FARS2: variants seen among roughly 807,000 people sequenced by gnomAD.
The protein encoded by FARS2 is phenylalanyl-tRNA synthetase 2, mitochondrial.
In FARS2, 40 loss-of-function variants were observed where a neutral mutation model predicts 46.4. That is an observed-to-expected ratio of 0.86 (90% CI 0.67 to 1.12). The LOEUF is 1.12. FARS2 is among the 50% of genes most tolerant of loss of function. The pLI is 0.00. For missense variants in FARS2, 513 were observed against 567.9 expected (o/e 0.90, Z 0.98); for synonymous variants, 234 against 214.9 (o/e 1.09, Z -0.78).
At chr6:5,507,924 G>A (rs1318980427) in intron 4 of FARS2, among the ~76,000 whole-genome samples, 1 of 152,214 alleles carries the variant, frequency 6.6e-6, no homozygotes. Context: ...CCCGAGGTAG[G>A]AGAAGGTTTC....
intron 6 of FARS2, among the ~76,000 whole-genome samples, chr6:5,622,253 C>G (rs1019912159): frequency 6.6e-6 from 1 of 152,214 alleles, no homozygotes; most frequent in Non-Finnish European, 1.5e-5. Flanking sequence ...TTTTTTACAC[C>G]GCCTTCCTCT....
At chr6:5,593,660 G>T (rs565359255) in intron 5 of FARS2, among the ~76,000 whole-genome samples, 1 of 152,168 alleles carries the variant, frequency 6.6e-6, no homozygotes, top group Non-Finnish European at 1.5e-5. Flanking sequence ...GTGAGGCTCC[G>T]CAAACCACTT....
chr6:5,386,092 A>G (rs4960085), intron 2 of FARS2, among the ~76,000 whole-genome samples: 24,619 of 152,172 alleles, frequency 0.16, 2,135 homozygotes, highest in Middle Eastern at 0.2. Flanking sequence ...AGTCAGCATA[A>G]TGGAAGATAC....
intron 3 of FARS2, among the ~76,000 whole-genome samples, chr6:5,423,885 TG>T (rs1272820089): frequency 6.6e-6 from 1 of 152,170 alleles, no homozygotes; most frequent in Non-Finnish European, 1.5e-5. Flanking sequence ...GACTTCATGC[TG>T]CGTGTGAGGT....
intron 1 of FARS2, among the ~76,000 whole-genome samples, chr6:5,359,360 G>A (rs1391441835): frequency 6.6e-6 from 1 of 152,104 alleles, no homozygotes; most frequent in African/African-American, 2.4e-5. Context: ...CTTCTTAATG[G>A]GGAAGATGGC....
intron 6 of FARS2, among the ~76,000 whole-genome samples, chr6:5,638,087 C>T (rs79853559): frequency 0.025 from 3,783 of 152,280 alleles, 150 homozygotes; most frequent in African/African-American, 0.086. Context: ...GGAACAGCGA[C>T]TTCTGCCTGG....
intron 4 of FARS2, among the ~76,000 whole-genome samples, chr6:5,508,898 C>T (rs999484585): frequency 5.9e-5 from 9 of 152,164 alleles, no homozygotes; most frequent in Non-Finnish European, 1.0e-4. Flanking sequence ...GAAGAAACGA[C>T]AGTATTTAGT....
At chr6:5,731,786 C>T (rs371501337) in intron 6 of FARS2, among the ~76,000 whole-genome samples, 15 of 152,264 alleles carry the variant, frequency 9.9e-5, no homozygotes, top group African/African-American at 2.2e-4. Context: ...CAGAAAAAAT[C>T]AGAAAAATAG....
intron 4 of FARS2, among the ~76,000 whole-genome samples, chr6:5,486,259 A>T (rs960675370): frequency 5.3e-5 from 8 of 152,202 alleles, no homozygotes; most frequent in African/African-American, 1.9e-4. Flanking sequence ...AGGGATTATC[A>T]TCCTCACTAC....
chr6:5,413,331 G>A (rs564562520), intron 3 of FARS2, among the ~76,000 whole-genome samples: 1 of 152,206 alleles, frequency 6.6e-6, no homozygotes, highest in South Asian at 2.1e-4. Flanking sequence ...TAAAATTATT[G>A]GATCTTAAGG....
chr6:5,302,983 A>G (rs1482681152), intron 1 of FARS2, among the ~76,000 whole-genome samples: 3 of 152,192 alleles, frequency 2.0e-5, no homozygotes, highest in Non-Finnish European at 4.4e-5. Context: ...AAGCATTCAT[A>G]AGTGTCAGAT....
intron 1 of FARS2, among the ~76,000 whole-genome samples, chr6:5,340,600 A>T (rs1197231386): frequency 6.6e-6 from 1 of 152,192 alleles, no homozygotes; most frequent in Non-Finnish European, 1.5e-5. Flanking sequence ...TCCTAATATT[A>T]GGAATGTTAG....
chr6:5,643,568 A>G (rs1196101260), intron 6 of FARS2, among the ~76,000 whole-genome samples: 1 of 152,168 alleles, frequency 6.6e-6, no homozygotes, highest in Non-Finnish European at 1.5e-5. Flanking sequence ...CGTTAAGGTA[A>G]CTTATCACAT....
Position 5,561,020 on chromosome 6 carries a change from A to G in FARS2, c.1065+15680A>G, listed in dbSNP as rs538619906. ...CTGGCTCATGCCTGTAATCCCAGCT[A>G]CTTGGGAGGCTGAGGCACAAAAGTT... On this transcript the variant is annotated intron_variant, in intron 5 of 6. Transcript: ENST00000274680. 2.0e-5 allele frequency among the ~76,000 whole-genome samples: 3 copies of G among 152,262 alleles called. No individual in the cohort carries two copies. The East Asian group carries it at 5.8e-4, about 29-fold the overall frequency.
At chr6:5,610,262 C>A in intron 5 of FARS2, 2 of 469,774 alleles carry the variant, frequency 4.3e-6, no homozygotes, top group Non-Finnish European at 7.6e-6. Context: ...CAGAAAGTAG[C>A]AAGCTGACGA....
intron 1 of FARS2, among the ~76,000 whole-genome samples, chr6:5,302,106 T>G (rs1257519628): frequency 6.6e-6 from 1 of 152,166 alleles, no homozygotes; most frequent in South Asian, 2.1e-4. Context: ...TTCCCACATA[T>G]TGGAACACTT....
At chr6:5,567,837 T>A (rs1582466890) in intron 5 of FARS2, among the ~76,000 whole-genome samples, 1 of 152,372 alleles carries the variant, frequency 6.6e-6, no homozygotes, top group East Asian at 1.9e-4. Flanking sequence ...TTCCCCTGGG[T>A]CACTCACCTG....
At chr6:5,661,643 A>G (rs1777856518) in intron 6 of FARS2, among the ~76,000 whole-genome samples, 1 of 152,192 alleles carries the variant, frequency 6.6e-6, no homozygotes, top group Non-Finnish European at 1.5e-5. Context: ...ACAAAAAGCC[A>G]TTGCATTTAG....
chr6:5,397,310 T>C (rs1027593516), intron 2 of FARS2, among the ~76,000 whole-genome samples: 7 of 152,116 alleles, frequency 4.6e-5, no homozygotes, highest in Admixed American at 2.6e-4. Flanking sequence ...CAGTGATGAA[T>C]TGGCTGAGCG....
Sources: allele counts gnomAD v4.1 joint callset (sites outside exome capture counted in the v4.1 genomes callset), GRCh38; gene constraint gnomAD v4.1.1; transcripts MANE v1.5; gene names NCBI Gene and HGNC (gene_info 2026-07-23, HGNC 2026-07-21).